ATR: variants seen among roughly 807,000 people sequenced by gnomAD.
ATR encodes serine/threonine-protein kinase ATR.
In ATR, 142 loss-of-function variants were observed where a neutral mutation model predicts 305.3. The observed-to-expected ratio is 0.47, with a 90% CI of 0.41 to 0.53. ATR has a LOEUF of 0.53. ATR is among the 20% of genes least tolerant of loss of function. ATR has a pLI of 0.00. For missense variants in ATR, 2,135 were observed against 3,133.1 expected, an observed-to-expected ratio of 0.68 and a Z score of 7.60; for synonymous variants, 1,050 against 1,068.1, an observed-to-expected ratio of 0.98 and a Z score of 0.33.
intron 7 of ATR, chr3:142,559,021 TA>T: frequency 1.6e-6 from 1 of 624,712 alleles, no homozygotes; most frequent in East Asian, 2.9e-5. Context: ...ACTCCCAAAT[TA>T]AAAAACTTTG....
At chr3:142,503,328 A>G (rs746513449) in intron 30 of ATR, 34 bp downstream of exon 30, 1 of 1,459,516 alleles carries the variant, frequency 6.9e-7, no homozygotes, top group African/African-American at 1.4e-5. Flanking sequence ...ATTCAGATGC[A>G]ATAACAAAAG....
At chr3:142,460,407 C>T (rs751366994) in intron 42 of ATR, among the ~76,000 whole-genome samples, 24 of 151,982 alleles carry the variant, frequency 1.6e-4, no homozygotes, top group Non-Finnish European at 2.6e-4. Flanking sequence ...TTAAGGTGGG[C>T]CCTTAATTCA....
At chr3:142,503,571 T>A (rs2032087252) in intron 29 of ATR, 118 bp from the exon 30 acceptor site, 1 of 443,040 alleles carries the variant, frequency 2.3e-6, no homozygotes, top group South Asian at 6.0e-5. Context: ...CCTTATTTTT[T>A]TATTATTATT....
intron 10 of ATR, among the ~76,000 whole-genome samples, chr3:142,554,465 C>A (rs559507886): frequency 6.6e-6 from 1 of 152,162 alleles, no homozygotes; most frequent in Non-Finnish European, 1.5e-5. Context: ...TGAGCTCAGG[C>A]AATCCGCCTG....
chr3:142,517,939 C>T (rs1284720796), intron 24 of ATR, among the ~76,000 whole-genome samples: 2 of 152,144 alleles, frequency 1.3e-5, no homozygotes, highest in African/African-American at 4.8e-5. Flanking sequence ...TTATTCCTAA[C>T]AATAATCATA....
At chr3:142,453,033 G>A in intron 46 of ATR, 95 bp downstream of exon 46, 1 of 1,577,692 alleles carries the variant, frequency 6.3e-7, no homozygotes, top group Non-Finnish European at 8.6e-7. Flanking sequence ...TTTCCAAGCA[G>A]TTCTCATGCA....
intron 34 of ATR, among the ~76,000 whole-genome samples, chr3:142,494,904 T>G (rs1401305661): frequency 6.6e-6 from 1 of 152,212 alleles, no homozygotes; most frequent in Admixed American, 6.5e-5. Flanking sequence ...CTAAAATGGT[T>G]GTTAATATTG....
At chr3:142,535,838 G>A (rs1000007566) in intron 20 of ATR, among the ~76,000 whole-genome samples, 1 of 152,138 alleles carries the variant, frequency 6.6e-6, no homozygotes, top group Non-Finnish European at 1.5e-5. Flanking sequence ...AATAAGTAAG[G>A]ACACTTTGGT....
At chr3:142,460,530 C>A (rs1171217034) in intron 42 of ATR, among the ~76,000 whole-genome samples, 3 of 151,964 alleles carry the variant, frequency 2.0e-5, no homozygotes, top group African/African-American at 7.3e-5. Context: ...CACAGAACAC[C>A]AGAAGGTTAA....
intron 10 of ATR, 24 bp from the exon 11 acceptor site, chr3:142,554,039 C>T (rs2034574837): frequency 6.5e-7 from 1 of 1,543,148 alleles, no homozygotes; most frequent in Non-Finnish European, 8.9e-7. Context: ...GTATACAATA[C>T]CTAATTTAAC....
chr3:142,571,787 G>C (rs988200911), intron 1 of ATR, among the ~76,000 whole-genome samples: 6 of 152,060 alleles, frequency 3.9e-5, no homozygotes, highest in Non-Finnish European at 5.9e-5. Flanking sequence ...TTCTGATACA[G>C]AGTCTCGCTC....
chr3:142,502,690 G>C (rs1480790626), intron 30 of ATR, among the ~76,000 whole-genome samples: 1 of 152,076 alleles, frequency 6.6e-6, no homozygotes, highest in East Asian at 1.9e-4. Flanking sequence ...TATAATCTTT[G>C]TTTAACTGAG....
rs901065905 is a variant in ATR, at chr3:142,451,137, A to C, written c.7762-1535T>G. ...CTGCTCAGGTGTAATTCCCTCCTAGAGGAGAATTTCACATCCACTGAGGAA... is the reference window on the plus strand; with the variant it reads ...CTGCTCAGGTGTAATTCCCTCCTAGCGGAGAATTTCACATCCACTGAGGAA... On this transcript the variant is annotated intron_variant, in intron 46 of 46. Transcript: ENST00000350721. The C allele has an allele frequency of 1.4e-4, 177 of 1,243,326 alleles. No individual in the cohort carries two copies. In the African/African-American group the frequency reaches 2.5e-3, roughly 18 times the overall value. The allele number at this position is 1,243,326 out of a possible 1,614,324, so 77.0% of individuals were successfully genotyped here.
rs1355938062 is a variant in ATR at position 142,484,589 on chromosome 3, G to C, written c.6221+551C>G. 5.9e-5 allele frequency among the ~76,000 whole-genome samples: 9 copies of C among 152,118 alleles called. No homozygotes were observed. The East Asian group carries it at 1.7e-3, about 29-fold the overall frequency. ...AATAAACTAGTAAAAATGTTTCCCT[G>C]AGTTCTGTGAGCCACTCTAGCAAAT... On this transcript the variant is annotated intron_variant, in intron 36 of 46. Transcript: ENST00000350721.
chr3:142,506,784 G>T (rs879354570), intron 28 of ATR, among the ~76,000 whole-genome samples: 12 of 152,238 alleles, frequency 7.9e-5, no homozygotes, highest in Non-Finnish European at 2.9e-5. Context: ...CATGAAGCAA[G>T]ATTGTCAGCT....
chr3:142,558,583 TAAATA>T, intron 8 of ATR, 36 bp downstream of exon 8: 1 of 1,473,762 alleles, frequency 6.8e-7, no homozygotes, highest in Non-Finnish European at 9.2e-7. Context: ...GATAGATAGA[TAAATA>T]AAACAAACCA....
chr3:142,452,836 G>C, intron 46 of ATR: 1 of 1,235,844 alleles, frequency 8.1e-7, no homozygotes. Flanking sequence ...TGTAAGTTCA[G>C]GCAATTTGTA....
intron 46 of ATR, chr3:142,451,614 CTG>C (rs2070790790): frequency 7.8e-7 from 1 of 1,276,088 alleles, no homozygotes; most frequent in African/African-American, 1.5e-5. Context: ...GGGTCTCACT[CTG>C]TTGCCCAGGC....
chr3:142,562,085 C>T, intron 4 of ATR, 147 bp downstream of exon 4: 3 of 906,904 alleles, frequency 3.3e-6, no homozygotes, highest in Non-Finnish European at 4.8e-6. Flanking sequence ...AATAGTGAGC[C>T]AGACTACACT....
Sources: gnomAD v4.1 joint callset for allele counts (sites outside exome capture counted in the v4.1 genomes callset) on GRCh38, gnomAD v4.1.1 for gene constraint, MANE v1.5 for transcripts, NCBI Gene and HGNC (gene_info 2026-07-23, HGNC 2026-07-21) for gene names.